Variants in KLHL25 observed in about 807,000 individuals in gnomAD.
KLHL25 encodes kelch-like protein 25.
A neutral mutation model predicts 30.0 loss-of-function variants in KLHL25; 41 were observed. The ratio of observed to expected loss-of-function variants is 1.37; its 90% CI spans 1.07 to 1.78. The LOEUF (loss-of-function observed/expected upper bound fraction) is 1.78. Ranked by LOEUF, KLHL25 falls within the 40% of genes most tolerant of loss-of-function variation. The pLI is 0.00. For missense variants in KLHL25, 971 were observed against 824.5 expected, an observed-to-expected ratio of 1.18 and a Z score of -2.18; for synonymous variants, 399 against 355.3, an observed-to-expected ratio of 1.12 and a Z score of -1.38.
At chr15:85,782,504 C>G (rs1053340371) in intron 1 of KLHL25, among the ~76,000 whole-genome samples, 2 of 151,308 alleles carry the variant, frequency 1.3e-5, no homozygotes, top group African/African-American at 4.9e-5. Flanking sequence ...CTCCCTCTCT[C>G]GGCTTTAGCT....
intron 1 of KLHL25, among the ~76,000 whole-genome samples, chr15:85,782,026 C>T (rs1362840761): frequency 1.3e-5 from 2 of 151,846 alleles, no homozygotes; most frequent in African/African-American, 2.4e-5. Flanking sequence ...CCTTCTCTCA[C>T]CCACAGGACC....
chr15:85,770,551 C>T (rs372186220), intron 1 of KLHL25: 16 of 534,002 alleles, frequency 3.0e-5, no homozygotes, highest in African/African-American at 2.9e-4. Flanking sequence ...ATCCAGGTGT[C>T]TCCACAGGGC....
At chr15:85,785,971 C>A (rs931902419) in intron 1 of KLHL25, among the ~76,000 whole-genome samples, 2 of 144,594 alleles carry the variant, frequency 1.4e-5, no homozygotes, top group African/African-American at 2.5e-5. Context: ...CCCACCCCCC[C>A]GCCCCAGGAG....
chr15:85,788,517 G>A (rs2089795942), intron 1 of KLHL25, among the ~76,000 whole-genome samples: 1 of 152,042 alleles, frequency 6.6e-6, no homozygotes, highest in South Asian at 2.1e-4. Flanking sequence ...GAGAACAGAT[G>A]GGGGAAAAAA....
Position 85,769,638 on chromosome 15 carries a change from G to A in KLHL25, c.173C>T (p.Pro58Leu), listed in dbSNP as rs1222408161. Reference sequence around the variant, plus strand: ...GGCGGCCAGCACGGCACGGTGACAGGGGAAGGCACGGTCGCCCGCCCAGAG... The same window carrying A: ...GGCGGCCAGCACGGCACGGTGACAGAGGAAGGCACGGTCGCCCGCCCAGAG... ...VTLWAGDRAF[P>L]CHRAVLAASS... The change falls in exon 2 of 3, where the codon CCC becomes CTC. Residue 58 changes from proline (P) to leucine (L), a missense_variant. Physicochemically the swap from Pro to Leu is moderately conservative, Grantham distance 98. Transcript: ENST00000337975. 5 of 1,613,406 alleles carry A rather than the reference G, an allele frequency of 3.1e-6. No individual in the cohort carries two copies. Among genetic ancestry groups the A allele is most frequent in the Non-Finnish European group, 3.4e-6 (4 of 1,180,048 alleles).
intron 2 of KLHL25, among the ~76,000 whole-genome samples, chr15:85,765,412 G>T (rs1324065024): frequency 1.3e-5 from 2 of 151,950 alleles, no homozygotes; most frequent in African/African-American, 4.8e-5. Flanking sequence ...GATCACCTGA[G>T]GTCTGGAGTT....
chr15:85,765,653 A>T (rs1187327160), intron 2 of KLHL25, among the ~76,000 whole-genome samples: 7 of 150,184 alleles, frequency 4.7e-5, no homozygotes, highest in Admixed American at 4.7e-4. Context: ...AAGAAGAAGA[A>T]GAAAACAGAA....
intron 2 of KLHL25, chr15:85,763,566 GA>G (rs34817041): frequency 0.32 from 48,206 of 152,148 alleles, 8,409 homozygotes; most frequent in East Asian, 0.72. Flanking sequence ...CAGAACAGGG[GA>G]AAAAAAATGC....
chr15:85,771,584 G>C (rs976001673), intron 1 of KLHL25, among the ~76,000 whole-genome samples: 1 of 152,258 alleles, frequency 6.6e-6, no homozygotes, highest in African/African-American at 2.4e-5. Context: ...CTTAGGCAGA[G>C]AGGGCACAGG....
rs757899706 is a variant in KLHL25 at position 85,768,783 on chromosome 15, T to C, written c.1028A>G (p.Tyr343Cys). The C allele has an allele frequency of 2.2e-5, 36 of 1,613,074 alleles. No individual in the cohort carries two copies. Among genetic ancestry groups the C allele is most frequent in the African/African-American group, 1.1e-4 (8 of 74,956 alleles). The change falls in exon 2 of 3, where the codon TAT becomes TGT. Residue 343 changes from tyrosine to cysteine, a missense_variant. Physicochemically the swap from Tyr to Cys is radical, Grantham distance 194. Coordinates refer to ENST00000337975, the MANE Select transcript of KLHL25 (RefSeq NM_022480.4). ...CTCGGAGCCCCTGCCCCCCGTCACA[T>C]AGACCTTGCAGCCGATCGCTGAGGC... ...FSASAIGCKV[Y>C]VTGGRGSENG...
chr15:85,766,989 C>T (rs540190866), intron 2 of KLHL25, among the ~76,000 whole-genome samples: 50 of 140,218 alleles, frequency 3.6e-4, no homozygotes, highest in African/African-American at 1.2e-3. Context: ...GCCTGGTTGG[C>T]GATCATTTTT....
In KLHL25 at chr15:85,776,151, C is replaced by A. The variant is rs572977620; in HGVS notation, c.-10-6331G>T. 2.1e-5 allele frequency among the ~76,000 whole-genome samples: 3 copies of A among 145,182 alleles called. No homozygotes were observed. The South Asian group carries it at 6.7e-4, about 32-fold the overall frequency. ...TCACGCCACTGCACTCCAGCCTGGGCGACAGAGCGAGACTCTGTCTCAAAA... is the reference window on the plus strand; with the variant it reads ...TCACGCCACTGCACTCCAGCCTGGGAGACAGAGCGAGACTCTGTCTCAAAA... On this transcript the variant is annotated intron_variant, in intron 1 of 2. Transcript: ENST00000337975.
rs545719011 is a variant in KLHL25, at chr15:85,760,369, G to T, written c.*667C>A. On this transcript the variant is annotated 3_prime_UTR_variant, in exon 3 of 3. Transcript: ENST00000337975. The stretch of plus-strand genomic sequence containing the variant: ...GCAACTGTGTCCCCACCGGGCCACA[G>T]CACTGAGCAAGGCCCTGAGTAGGTG... 2 of 152,352 alleles carry T rather than the reference G, an allele frequency of 1.3e-5. No homozygotes were observed. Among genetic ancestry groups the T allele is most frequent in the East Asian group, 3.9e-4 (2 of 5,164 alleles). 9.4% of individuals were successfully genotyped at this position (152,352 alleles called of 1,614,324 possible).
chr15:85,770,392 C>T, intron 1 of KLHL25: 1 of 472,876 alleles, frequency 2.1e-6, no homozygotes, highest in Non-Finnish European at 4.3e-6. Flanking sequence ...GCTGTGGACG[C>T]CCAAGCAGAG....
Position 85,769,228 on chromosome 15 carries a change from C to A in KLHL25, c.583G>T (p.Asp195Tyr), listed in dbSNP as rs1335125475. Residue 195 changes from aspartate to tyrosine, a missense_variant, in exon 2 of 3, where the codon GAC becomes TAC. Physicochemically the swap from Asp to Tyr is radical, Grantham distance 160 (BLOSUM62 -3). Transcript: ENST00000337975. ...TCCAGCTCATCACTCGAGATGAGGT[C>A]CAGCAGTGTGTCCTTGGACAGGCTG... ...FNSLSKDTLL[D>Y]LISSDELETE... 4 of 1,613,686 alleles carry A rather than the reference C, an allele frequency of 2.5e-6. No individual in the cohort carries two copies. The highest frequency in any genetic ancestry group is 1.3e-5 in the African/African-American group (1 of 74,944).
chr15:85,784,214 G>T (rs993198814), intron 1 of KLHL25, among the ~76,000 whole-genome samples: 22 of 152,188 alleles, frequency 1.4e-4, no homozygotes, highest in South Asian at 2.1e-4. Flanking sequence ...GGGTGAGCCT[G>T]ATCTAGTCAA....
At chr15:85,785,482 G>A (rs1254160527) in intron 1 of KLHL25, among the ~76,000 whole-genome samples, 2 of 152,146 alleles carry the variant, frequency 1.3e-5, no homozygotes, top group Non-Finnish European at 2.9e-5. Context: ...CAACCTTCTG[G>A]GCAGTCAGAA....
intron 1 of KLHL25, among the ~76,000 whole-genome samples, chr15:85,778,096 C>T (rs2089721190): frequency 6.6e-6 from 1 of 152,204 alleles, no homozygotes; most frequent in Admixed American, 6.5e-5. Context: ...TTAATACATG[C>T]ATCATGGTTC....
Position 85,768,790 on chromosome 15 carries a change from T to G in KLHL25, c.1021A>C (p.Lys341Gln). 6.2e-7 allele frequency: 1 copy of G among 1,613,188 alleles called. No individual in the cohort carries two copies. The highest frequency in any genetic ancestry group is 8.5e-7 in the Non-Finnish European group (1 of 1,180,028). ...CCCCTGCCCCCCGTCACATAGACCT[T>G]GCAGCCGATCGCTGAGGCGCTGAAC... Reference protein sequence around the residue: ...KEFSASAIGCKVYVTGGRGSE... With the variant: ...KEFSASAIGCQVYVTGGRGSE... Residue 341 changes from lysine to glutamine, a missense_variant, in exon 2 of 3, where the codon AAG becomes CAG. Physicochemically the swap from Lys to Gln is moderately conservative, Grantham distance 53 (BLOSUM62 1). Coordinates refer to ENST00000337975, the MANE Select transcript of KLHL25 (RefSeq NM_022480.4).
Sources: allele counts gnomAD v4.1 joint callset (sites outside exome capture counted in the v4.1 genomes callset), GRCh38; gene constraint gnomAD v4.1.1; transcripts MANE v1.5; gene names NCBI Gene and HGNC (gene_info 2026-07-23, HGNC 2026-07-21).